The following TOPAZ1 variants were observed in gnomAD, a reference collection of about 807,000 sequenced individuals.
TOPAZ1 encodes the protein testis and ovary specific TOPAZ 1.
In TOPAZ1, 66 loss-of-function variants were observed where a neutral mutation model predicts 172.2. The observed-to-expected ratio is 0.38, with a 90% CI of 0.31 to 0.47. The LOEUF (loss-of-function observed/expected upper bound fraction) is 0.47, where lower values mean the gene tolerates loss of function less well. Among genes scored for constraint, TOPAZ1 ranks in the 20% least tolerant of loss-of-function variants. TOPAZ1 has a pLI of 0.99. For synonymous variants in TOPAZ1, 681 were observed against 683.9 expected (o/e 1.00, Z 0.07); for missense variants, 1,822 against 1,972.4 (o/e 0.92, Z 1.44).
intron 12 of TOPAZ1, among the ~76,000 whole-genome samples, chr3:44,297,103 G>A (rs543475241): frequency 6.4e-4 from 97 of 151,092 alleles, no homozygotes; most frequent in Non-Finnish European, 1.2e-3. Context: ...CCCAGGAGGC[G>A]GAGGTTACAG....
chr3:44,333,958 G>GGACC (rs1162247325), downstream of TOPAZ1, among the ~76,000 whole-genome samples: 1 of 152,174 alleles, frequency 6.6e-6, no homozygotes, highest in East Asian at 1.9e-4. Flanking sequence ...AGGGTAATTT[G>GGACC]GACCGTATTA....
intron 16 of TOPAZ1, among the ~76,000 whole-genome samples, chr3:44,311,995 T>TCTAGATG (rs1700402009): frequency 6.6e-6 from 1 of 152,188 alleles, no homozygotes; most frequent in Non-Finnish European, 1.5e-5. Flanking sequence ...TTTCATTTAC[T>TCTAGATG]AATTCCATTT....
rs1028041281 is a variant in TOPAZ1 at position 44,242,149 on chromosome 3, G to C, written c.96G>C (p.Ala32=). The change falls in exon 1 of 20, where the codon GCG becomes GCC. Residue 32 remains alanine (A), a synonymous_variant. Transcript: ENST00000309765. Reference sequence around the variant, plus strand: ...AGCGGCAGGCGCCAGGGCCAGGCGCGGCGGGAGGCTGTGGCCCTGAGGCCG... The same window carrying C: ...AGCGGCAGGCGCCAGGGCCAGGCGCCGCGGGAGGCTGTGGCCCTGAGGCCG... ...LQKRQAPGPG[A]AGGCGPEAGG... 1.0e-5 allele frequency: 16 copies of C among 1,548,682 alleles called. No homozygotes were observed. Among genetic ancestry groups the C allele is most frequent in the Non-Finnish European group, 1.4e-5 (16 of 1,146,276 alleles).
chr3:44,273,372 AG>A (rs1559533235), intron 8 of TOPAZ1, among the ~76,000 whole-genome samples: 1 of 152,214 alleles, frequency 6.6e-6, no homozygotes, highest in Non-Finnish European at 1.5e-5. Flanking sequence ...TGCTAAAATA[AG>A]AACTCTCTAA....
intron 2 of TOPAZ1, among the ~76,000 whole-genome samples, chr3:44,247,998 C>A (rs776122543): frequency 2.0e-5 from 3 of 152,136 alleles, no homozygotes; most frequent in Non-Finnish European, 4.4e-5. Flanking sequence ...GATTTCAGAG[C>A]AAAGAAATTT....
chr3:44,322,129 A>T (rs10510739), intron 17 of TOPAZ1, among the ~76,000 whole-genome samples: 7,356 of 152,278 alleles, frequency 0.048, 230 homozygotes, highest in Middle Eastern at 0.075. Context: ...AAGTAGAGAG[A>T]TTAATTTCCT....
At chr3:44,281,621 A>G (rs1700024557) in intron 8 of TOPAZ1, among the ~76,000 whole-genome samples, 1 of 152,186 alleles carries the variant, frequency 6.6e-6, no homozygotes, top group Non-Finnish European at 1.5e-5. Flanking sequence ...ACACATTACC[A>G]TTTATCAAAA....
intron 12 of TOPAZ1, among the ~76,000 whole-genome samples, chr3:44,296,008 A>C (rs1180115736): frequency 6.6e-6 from 1 of 152,206 alleles, no homozygotes; most frequent in Non-Finnish European, 1.5e-5. Context: ...AATTAAAACT[A>C]TACAGAGTAC....
intron 16 of TOPAZ1, among the ~76,000 whole-genome samples, chr3:44,315,475 C>T (rs1184444373): frequency 1.3e-5 from 2 of 150,894 alleles, no homozygotes; most frequent in Non-Finnish European, 2.9e-5. Context: ...TCAAGCAATT[C>T]TTCTGCCTCA....
intron 7 of TOPAZ1, 108 bp downstream of exon 7, chr3:44,269,409 C>T (rs1293506879): frequency 8.8e-5 from 49 of 558,928 alleles, no homozygotes; most frequent in South Asian, 2.8e-4. Flanking sequence ...TTTTATCCTC[C>T]CCTTAAAAAA....
intron 7 of TOPAZ1, among the ~76,000 whole-genome samples, chr3:44,270,386 T>C (rs912995337): frequency 7.9e-5 from 12 of 152,178 alleles, no homozygotes; most frequent in African/African-American, 2.7e-4. Flanking sequence ...TGTGAACCTG[T>C]ACCTGCTCCA....
Position 44,243,661 on chromosome 3 carries a change from C to T in TOPAZ1, c.1155C>T (p.Ser385=), listed in dbSNP as rs1699518533. 6.5e-7 allele frequency: 1 copy of T among 1,549,902 alleles called. No homozygotes were observed. The highest frequency in any genetic ancestry group is 1.2e-5 in the South Asian group (1 of 84,030). ...CTTTAAATGTTTTGAGAAAAGTAAG[C>T]CATAATACAGTCTCTTTGATGGATC... The part of the protein sequence containing the change: ...KSPLNVLRKV[S]HNTVSLMDHL... The change falls in exon 2 of 20, where the codon AGC becomes AGT. Residue 385 remains serine, a synonymous_variant. Transcript: ENST00000309765.
At chr3:44,285,869 A>G (rs1700072874) in intron 9 of TOPAZ1, among the ~76,000 whole-genome samples, 1 of 150,848 alleles carries the variant, frequency 6.6e-6, no homozygotes, top group African/African-American at 2.4e-5. Context: ...CGCCTGGCCG[A>G]GAGGATCATT....
chr3:44,247,952 A>C (rs1407858809), intron 2 of TOPAZ1, among the ~76,000 whole-genome samples: 1 of 152,154 alleles, frequency 6.6e-6, no homozygotes, highest in South Asian at 2.1e-4. Flanking sequence ...TGCCTGGCCT[A>C]ATCTTGACTA....
chr3:44,245,231 A>T lies in TOPAZ1; in HGVS notation c.2725A>T (p.Met909Leu), dbSNP rs1181116094. ...GCACCAATCAACAGACTCCAAGTAC[A>T]TGGAAACTCCAGTAAAAAAAGAACC... ...GEHQSTDSKY[M>L]ETPVKKEPSD... The change falls in exon 2 of 20, where the codon ATG becomes TTG. Residue 909 changes from methionine (M) to leucine (L), a missense_variant. By Grantham distance (15) the Met-to-Leu change is conservative. This residue lies in a region of TOPAZ1 where 1,489 missense variants were observed against 1,490.8 expected (regional missense o/e 1.00). Coordinates refer to ENST00000309765, the MANE Select transcript of TOPAZ1 (RefSeq NM_001145030.2). 2 of 1,543,756 alleles carry T rather than the reference A, an allele frequency of 1.3e-6. No homozygotes were observed. The highest frequency in any genetic ancestry group is 1.7e-6 in the Non-Finnish European group (2 of 1,144,720).
chr3:44,301,051 T>A (rs949078671), intron 12 of TOPAZ1, among the ~76,000 whole-genome samples: 9 of 152,192 alleles, frequency 5.9e-5, no homozygotes. Flanking sequence ...AGTGCATACA[T>A]TTCATTTATG....
At chr3:44,279,931 G>T (rs1162326806) in intron 8 of TOPAZ1, among the ~76,000 whole-genome samples, 2 of 151,908 alleles carry the variant, frequency 1.3e-5, no homozygotes, top group Non-Finnish European at 2.9e-5. Context: ...GCTAACATTT[G>T]ATTCTTTTCT....
intron 6 of TOPAZ1, among the ~76,000 whole-genome samples, chr3:44,267,438 G>A (rs914950882): frequency 6.6e-6 from 1 of 151,862 alleles, no homozygotes; most frequent in Non-Finnish European, 1.5e-5. Flanking sequence ...GGGATTACAG[G>A]CACCTGCCAC....
At chr3:44,323,654 T>G (rs1292794539) in intron 18 of TOPAZ1, among the ~76,000 whole-genome samples, 1 of 152,248 alleles carries the variant, frequency 6.6e-6, no homozygotes, top group Non-Finnish European at 1.5e-5. Flanking sequence ...AGATCTGTTT[T>G]TATTTATCTC....
Sources: gnomAD v4.1 joint callset for allele counts (sites outside exome capture counted in the v4.1 genomes callset) on GRCh38, gnomAD v4.1.1 for gene constraint, gnomAD v4.1.1 regional missense constraint, MANE v1.5 for transcripts, NCBI Gene and HGNC (gene_info 2026-07-23, HGNC 2026-07-21) for gene names.